The following ANKRD36 variants were observed in gnomAD, a reference collection of about 807,000 sequenced individuals.
ANKRD36 encodes ankyrin repeat domain-containing protein 36A.
Under a neutral mutation model 278.1 loss-of-function variants are expected in ANKRD36, and 179 were observed. The observed-to-expected ratio is 0.64, with a 90% CI of 0.57 to 0.73. The LOEUF (loss-of-function observed/expected upper bound fraction) is 0.73. ANKRD36 is among the 30% of genes least tolerant of loss of function. The pLI, the probability that ANKRD36 is intolerant of heterozygous loss-of-function variation, is 0.00. For synonymous variants in ANKRD36, 320 were observed against 641.1 expected (o/e 0.50, Z 7.57); for missense variants, 1,159 against 1,956.7 (o/e 0.59, Z 7.69).
At chr2:97,153,679 C>G (rs1240091090) in intron 14 of ANKRD36, among the ~76,000 whole-genome samples, 1 of 146,538 alleles carries the variant, frequency 6.8e-6, no homozygotes, top group African/African-American at 2.4e-5. Context: ...AGGAGTGGCT[C>G]TAGTGAACAC....
At chr2:97,173,968 A>G (rs1486648099) in intron 22 of ANKRD36, among the ~76,000 whole-genome samples, 1 of 151,684 alleles carries the variant, frequency 6.6e-6, no homozygotes, top group Non-Finnish European at 1.5e-5. Flanking sequence ...TAGATTTAAA[A>G]AAAAAAGGAA....
In ANKRD36 at chr2:97,209,832, T is replaced by C. The variant is rs754577796; in HGVS notation, c.3327T>C (p.Tyr1109=). 21 of 1,596,670 alleles carry C rather than the reference T, an allele frequency of 1.3e-5. 1 individual carries two copies. In the South Asian group the frequency reaches 2.1e-4, roughly 16 times the overall value. Residue 1109 remains tyrosine (Y), a synonymous_variant, in exon 56 of 76, where the codon TAT becomes TAC. Transcript: ENST00000420699. ...GTGACGAGAAAGATTCTGTTTTGTA[T>C]ATAGCCAGAGAAAAAAAGGATGGAG... ...ATSDEKDSVL[Y]IAREKKDGEK...
intron 66 of ANKRD36, among the ~76,000 whole-genome samples, chr2:97,222,609 T>G (rs1246815744): frequency 6.6e-6 from 1 of 152,168 alleles, no homozygotes; most frequent in African/African-American, 2.4e-5. Flanking sequence ...TATACCTGTT[T>G]GCCTTCTGAT....
intron 48 of ANKRD36, among the ~76,000 whole-genome samples, chr2:97,203,331 G>T (rs932015084): frequency 6.6e-6 from 1 of 151,860 alleles, no homozygotes; most frequent in South Asian, 2.1e-4. Flanking sequence ...AATGCTTGTA[G>T]CAGTTTCACT....
At chr2:97,128,334 T>C (rs1293159558) in intron 6 of ANKRD36, among the ~76,000 whole-genome samples, 1 of 151,672 alleles carries the variant, frequency 6.6e-6, no homozygotes, top group Non-Finnish European at 1.5e-5. Context: ...AAAGAGTTGG[T>C]AAAGGAGAAT....
intron 70 of ANKRD36, 135 bp from the exon 71 acceptor site, chr2:97,245,022 C>A: frequency 1.4e-6 from 1 of 735,336 alleles, no homozygotes. Flanking sequence ...GACTTAACTT[C>A]TTTTTTCCCA....
At position 97,200,302 on chromosome 2, in the gene ANKRD36, G is replaced by A. The variant is rs750690285; in HGVS notation, c.2756-32G>A. On this transcript the variant is annotated intron_variant, in intron 44 of 75. Transcript: ENST00000420699. ...ATGGATAATTTTATCATGTTTACAT[G>A]TGAGTGATTATGTATCCCTTTTGCT... The A allele has an allele frequency of 1.9e-5, 31 of 1,607,176 alleles. No homozygotes were observed. In the South Asian group the frequency reaches 3.3e-4, roughly 17 times the overall value.
At chr2:97,211,517 A>G in intron 56 of ANKRD36, 29 bp from the exon 57 acceptor site, 1 of 1,600,824 alleles carries the variant, frequency 6.2e-7, no homozygotes, top group East Asian at 2.3e-5. Flanking sequence ...TTTACATATG[A>G]GTGATTATGT....
intron 6 of ANKRD36, among the ~76,000 whole-genome samples, chr2:97,129,903 G>A (rs573744756): frequency 1.6e-4 from 24 of 152,136 alleles, no homozygotes; most frequent in East Asian, 5.8e-4. Context: ...GTCAGGTAGC[G>A]TGATGCCTCC....
intron 42 of ANKRD36, 112 bp downstream of exon 42, chr2:97,196,900 G>C (rs140021442): frequency 1.6e-5 from 24 of 1,472,556 alleles, no homozygotes; most frequent in Non-Finnish European, 2.0e-5. Flanking sequence ...GATTCAGCAG[G>C]CCGGAGATTC....
chr2:97,158,515 C>T, intron 16 of ANKRD36, 73 bp from the exon 17 acceptor site: 1 of 1,488,704 alleles, frequency 6.7e-7, no homozygotes, highest in Non-Finnish European at 9.0e-7. Flanking sequence ...CTGTGAGCCC[C>T]CACACCCGGT....
intron 22 of ANKRD36, among the ~76,000 whole-genome samples, chr2:97,173,924 A>G (rs1173597624): frequency 6.6e-6 from 1 of 151,366 alleles, no homozygotes; most frequent in African/African-American, 2.4e-5. Flanking sequence ...TTGTAAAAGA[A>G]CCTGAGAGAC....
intron 20 of ANKRD36, among the ~76,000 whole-genome samples, chr2:97,164,976 T>C (rs1330164210): frequency 6.6e-6 from 1 of 152,144 alleles, no homozygotes; most frequent in Non-Finnish European, 1.5e-5. Context: ...AATAAAATGA[T>C]TAATCATTCT....
chr2:97,129,609 A>G (rs1274526177), intron 6 of ANKRD36, among the ~76,000 whole-genome samples: 1 of 151,988 alleles, frequency 6.6e-6, no homozygotes, highest in East Asian at 1.9e-4. Flanking sequence ...TTTTAGGTCT[A>G]ACGTTTAAGT....
intron 28 of ANKRD36, among the ~76,000 whole-genome samples, chr2:97,184,721 G>A (rs1575487189): frequency 6.6e-6 from 1 of 151,612 alleles, no homozygotes; most frequent in East Asian, 1.9e-4. Context: ...AGAAATGTAG[G>A]CAGATTATTC....
At chr2:97,154,773 C>T in intron 15 of ANKRD36, 32 bp downstream of exon 15, 1 of 1,414,946 alleles carries the variant, frequency 7.1e-7, no homozygotes, top group Non-Finnish European at 9.5e-7. Flanking sequence ...TTAATTTTCT[C>T]ATTCTGAATC....
chr2:97,225,559 A>G (rs1283239516), intron 67 of ANKRD36, among the ~76,000 whole-genome samples: 5 of 152,102 alleles, frequency 3.3e-5, no homozygotes, highest in Admixed American at 6.5e-5. Context: ...ATATAAATAT[A>G]TAACACTGTC....
At chr2:97,167,409 ATTTGG>A in intron 20 of ANKRD36, among the ~76,000 whole-genome samples, 163 bp from the exon 21 acceptor site, 1 of 206 alleles carries the variant, frequency 4.9e-3, no homozygotes, top group African/African-American at 0.011. Context: ...CTGGGGTCCT[ATTTGG>A]TCCTTTCTTT....
rs368208217 is a variant in ANKRD36 at position 97,173,407 on chromosome 2, T to G, written c.1633+5640T>G. Among the ~76,000 whole-genome samples, 423 of 151,780 alleles carry G rather than the reference T, an allele frequency of 2.8e-3. 18 individuals carry two copies. The East Asian group carries it at 0.048, about 17-fold the overall frequency. On this transcript the variant is annotated intron_variant, in intron 22 of 75. Transcript: ENST00000420699. ...TGATAGATACTCAAACCGATGTGAG[T>G]GAAGAACAGCTGTGAAAGAGTGTCT... is the stretch of plus-strand genomic sequence containing the variant.
Sources: allele counts gnomAD v4.1 joint callset (sites outside exome capture counted in the v4.1 genomes callset), GRCh38; gene constraint gnomAD v4.1.1; transcripts MANE v1.5; gene names NCBI Gene and HGNC (gene_info 2026-07-23, HGNC 2026-07-21).